Variants in COL24A1 observed in about 807,000 individuals in gnomAD.
COL24A1 encodes the protein collagen type XXIV alpha 1 chain, also known as collagen alpha-1(XXIV) chain.
In COL24A1, 224 loss-of-function variants were observed where a neutral mutation model predicts 253.9. The ratio of observed to expected loss-of-function variants is 0.88; its 90% CI spans 0.79 to 0.99. COL24A1 has a LOEUF of 0.99. Among genes scored for constraint, COL24A1 ranks in the 50% least tolerant of loss-of-function variants. COL24A1 has a pLI of 0.00. For missense variants in COL24A1, 2,131 were observed against 2,068.5 expected (o/e 1.03, Z -0.59); for synonymous variants, 685 against 673.7 (o/e 1.02, Z -0.26).
rs553230063 is a variant in COL24A1 at position 86,029,475 on chromosome 1, C to T, written c.2049+2403G>A. 5.7e-4 allele frequency among the ~76,000 whole-genome samples: 87 copies of T among 152,292 alleles called. 2 individuals are homozygous for T. In the South Asian group the frequency reaches 0.017, roughly 29 times the overall value. On this transcript the variant is annotated intron_variant, in intron 14 of 59. Coordinates refer to ENST00000370571, the MANE Select transcript of COL24A1 (RefSeq NM_152890.7). ...ATGTTAGAGAAAAGTTTAAATGTTT[C>T]AGACTCACACAGGTTCTTTGACTCT...
intron 5 of COL24A1, among the ~76,000 whole-genome samples, chr1:86,099,200 C>A (rs56237094): frequency 6.6e-6 from 1 of 151,840 alleles, no homozygotes; most frequent in African/African-American, 2.4e-5. Flanking sequence ...TATATATTTC[C>A]GAGTGATAAT....
At chr1:85,813,093 T>C (rs1672707711) in intron 47 of COL24A1, among the ~76,000 whole-genome samples, 1 of 151,920 alleles carries the variant, frequency 6.6e-6, no homozygotes, top group Admixed American at 6.6e-5. Flanking sequence ...AGAGCTGATA[T>C]ACCTATAGCA....
intron 28 of COL24A1, among the ~76,000 whole-genome samples, chr1:85,905,931 C>A (rs946087275): frequency 6.6e-6 from 1 of 151,954 alleles, no homozygotes; most frequent in Non-Finnish European, 1.5e-5. Context: ...ATGACTTATA[C>A]AAAGTTGAAT....
chr1:85,765,351 GTTT>G (rs11436683), intron 53 of COL24A1, among the ~76,000 whole-genome samples: 1 of 95,880 alleles, frequency 1.0e-5, no homozygotes, highest in South Asian at 5.7e-4. Context: ...ATTGTTCTCT[GTTT>G]TTTTTTATTA....
rs771969331 is a variant in COL24A1, at chr1:85,877,115, A to C, written c.3030+7T>G. 6.2e-7 allele frequency: 1 copy of C among 1,600,754 alleles called. No individual in the cohort carries two copies. Among genetic ancestry groups the C allele is most frequent in the African/African-American group, 1.3e-5 (1 of 74,344 alleles). ...TTATGAAGAAGAACTAGCCACAAAAAATTTACCTCCATGCCCATTTCTCCA... is the reference window on the plus strand; with the variant it reads ...TTATGAAGAAGAACTAGCCACAAAACATTTACCTCCATGCCCATTTCTCCA... On this transcript the variant is annotated splice_region_variant and intron_variant, in intron 33 of 59. Coordinates refer to ENST00000370571, the MANE Select transcript of COL24A1 (RefSeq NM_152890.7).
intron 43 of COL24A1, among the ~76,000 whole-genome samples, chr1:85,837,903 T>C (rs1290318436): frequency 6.6e-6 from 1 of 151,960 alleles, no homozygotes; most frequent in African/African-American, 2.4e-5. Flanking sequence ...GCAATGTAAA[T>C]AGAGGGAAGA....
chr1:86,097,780 T>A (rs1315641583), intron 5 of COL24A1, among the ~76,000 whole-genome samples: 3 of 151,916 alleles, frequency 2.0e-5, no homozygotes, highest in African/African-American at 7.3e-5. Context: ...GATGATCTCA[T>A]GAACTCTATA....
intron 43 of COL24A1, among the ~76,000 whole-genome samples, chr1:85,835,948 T>C (rs1262361284): frequency 6.6e-6 from 1 of 152,198 alleles, no homozygotes; most frequent in African/African-American, 2.4e-5. Context: ...CTTCCTTTGA[T>C]GCAGGTCATA....
At chr1:85,874,626 A>G (rs778310700) in intron 35 of COL24A1, 23 bp downstream of exon 35, 12 of 1,610,142 alleles carry the variant, frequency 7.5e-6, no homozygotes, top group Non-Finnish European at 1.0e-5. Flanking sequence ...AGTGTATTAA[A>G]AGAGTTTCAA....
chr1:86,054,418 G>C (rs1231703189), intron 10 of COL24A1, among the ~76,000 whole-genome samples: 1 of 151,936 alleles, frequency 6.6e-6, no homozygotes, highest in Non-Finnish European at 1.5e-5. Flanking sequence ...CTAATATCCA[G>C]AATCTACAAG....
At chr1:85,844,487 C>A (rs572801278) in intron 39 of COL24A1, among the ~76,000 whole-genome samples, 1 of 151,978 alleles carries the variant, frequency 6.6e-6, no homozygotes, top group East Asian at 1.9e-4. Context: ...ACATTTAATT[C>A]AAGAAGAGAT....
intron 28 of COL24A1, among the ~76,000 whole-genome samples, chr1:85,905,705 T>C (rs1684752805): frequency 6.6e-6 from 1 of 151,886 alleles, no homozygotes; most frequent in Non-Finnish European, 1.5e-5. Context: ...AAGTGACAAA[T>C]CAGGAAACAG....
intron 28 of COL24A1, among the ~76,000 whole-genome samples, chr1:85,899,396 C>T (rs945292882): frequency 6.6e-6 from 1 of 152,028 alleles, no homozygotes; most frequent in Non-Finnish European, 1.5e-5. Context: ...TATTTTATTA[C>T]TGAGTAATTG....
At chr1:85,907,768 A>C (rs1558611582) in intron 27 of COL24A1, among the ~76,000 whole-genome samples, 1 of 151,834 alleles carries the variant, frequency 6.6e-6, no homozygotes, top group Non-Finnish European at 1.5e-5. Flanking sequence ...TTATTAAGTC[A>C]ATTATAATGA....
chr1:85,766,090 G>A (rs1358873676), intron 53 of COL24A1, among the ~76,000 whole-genome samples: 1 of 152,128 alleles, frequency 6.6e-6, no homozygotes, highest in East Asian at 1.9e-4. Context: ...ATAGGACTGG[G>A]TGCGGTGGCT....
At chr1:85,832,644 C>T (rs1308421450) in intron 43 of COL24A1, among the ~76,000 whole-genome samples, 1 of 150,926 alleles carries the variant, frequency 6.6e-6, no homozygotes, top group Admixed American at 6.6e-5. Flanking sequence ...TCCTTCACGT[C>T]CCTTGTAAGT....
At chr1:86,058,358 A>G (rs1279495590) in intron 9 of COL24A1, among the ~76,000 whole-genome samples, 1 of 151,284 alleles carries the variant, frequency 6.6e-6, no homozygotes, top group East Asian at 1.9e-4. Flanking sequence ...ATCAATGTCC[A>G]TATATTTACA....
rs1029491296 is a variant in COL24A1 at position 85,761,435 on chromosome 1, A to C, written c.4411-13T>G. The C allele has an allele frequency of 2.5e-6, 4 of 1,613,974 alleles. No individual in the cohort carries two copies. Among genetic ancestry groups the C allele is most frequent in the Non-Finnish European group, 3.4e-6 (4 of 1,179,982 alleles). ...CTCCAGGTGGACCCTAGAACACAGC[A>C]AATTAAAAAAAATACACATTTATTT... is the stretch of plus-strand genomic sequence containing the variant. On this transcript the variant is annotated splice_polypyrimidine_tract_variant and intron_variant, in intron 54 of 59. Transcript: ENST00000370571.
At chr1:86,094,307 C>G (rs1703735628) in intron 5 of COL24A1, among the ~76,000 whole-genome samples, 1 of 151,998 alleles carries the variant, frequency 6.6e-6, no homozygotes, top group Non-Finnish European at 1.5e-5. Context: ...GAATACTATG[C>G]AGCCATAAAA....
Sources: gnomAD v4.1 joint callset for allele counts (sites outside exome capture counted in the v4.1 genomes callset) on GRCh38, gnomAD v4.1.1 for gene constraint, MANE v1.5 for transcripts, NCBI Gene and HGNC (gene_info 2026-07-23, HGNC 2026-07-21) for gene names.